The following TBXAS1 variants were observed in gnomAD, a reference collection of about 807,000 sequenced individuals.
TBXAS1 encodes thromboxane-A synthase.
TBXAS1 carries 48 observed loss-of-function variants against 60.7 expected under a neutral mutation model. That is an observed-to-expected ratio of 0.79 (90% CI 0.63 to 1.01). The LOEUF (loss-of-function observed/expected upper bound fraction) is 1.01, where lower values mean the gene tolerates loss of function less well. TBXAS1 is among the 50% of genes least tolerant of loss of function. TBXAS1 has a pLI of 0.00. For synonymous variants in TBXAS1, 287 were observed against 269.7 expected (o/e 1.06, Z -0.63); for missense variants, 685 against 686.3 (o/e 1.00, Z 0.02).
intron 3 of TBXAS1, among the ~76,000 whole-genome samples, chr7:139,881,557 A>G (rs183092027): frequency 2.0e-5 from 3 of 151,672 alleles, no homozygotes; most frequent in Non-Finnish European, 4.4e-5. Context: ...TGTATTTCTG[A>G]TTTCTCTATT....
In TBXAS1 at chr7:139,844,326, C is replaced by T. The variant is rs73158654; in HGVS notation, c.89+14847C>T. ...TTGAAGCAATGGTATCTCAACTCTTCCCTACCATCCACTGTTGATGTGATT... is the reference window on the plus strand; with the variant it reads ...TTGAAGCAATGGTATCTCAACTCTTTCCTACCATCCACTGTTGATGTGATT... On this transcript the variant is annotated intron_variant, in intron 1 of 12. Coordinates refer to ENST00000448866, the MANE Select transcript of TBXAS1 (RefSeq NM_001061.7). 5.5e-4 allele frequency among the ~76,000 whole-genome samples: 84 copies of T among 152,290 alleles called. 1 individual carries two copies. Among genetic ancestry groups the T allele is most frequent in the Admixed American group, 1.3e-3 (20 of 15,292 alleles).
At chr7:139,946,002 A>G (rs1808681387) in intron 5 of TBXAS1, among the ~76,000 whole-genome samples, 1 of 152,206 alleles carries the variant, frequency 6.6e-6, no homozygotes, top group African/African-American at 2.4e-5. Flanking sequence ...GGGATCTACA[A>G]ATGTTTCAGC....
At chr7:139,799,235 A>ATT (rs35555385) in intron 4 of TBXAS1, among the ~76,000 whole-genome samples, 3,292 of 144,108 alleles carry the variant, frequency 0.023, 100 homozygotes, top group African/African-American at 0.067. Flanking sequence ...AGCCCAGCTA[A>ATT]TTTTTTTTTT....
chr7:139,877,304 G>C (rs1316421858), intron 3 of TBXAS1, among the ~76,000 whole-genome samples: 1 of 152,176 alleles, frequency 6.6e-6, no homozygotes, highest in Non-Finnish European at 1.5e-5. Flanking sequence ...GCTTTTTGGT[G>C]CATAGCTTCT....
rs149005364 is a variant in TBXAS1 at position 139,916,731 on chromosome 7, C to G, written c.333+5410C>G. 6.6e-6 allele frequency among the ~76,000 whole-genome samples: 1 copy of G among 152,180 alleles called. No individual in the cohort carries two copies. Among genetic ancestry groups the G allele is most frequent in the Non-Finnish European group, 1.5e-5 (1 of 68,028 alleles). On this transcript the variant is annotated intron_variant, in intron 4 of 12. Coordinates refer to ENST00000448866, the MANE Select transcript of TBXAS1 (RefSeq NM_001061.7). This position sits in a 1 kb window ranked among gnomAD's most constrained non-coding sequence, Gnocchi z 4.2. The stretch of plus-strand genomic sequence containing the variant: ...CTCTGTATCTGCAGCAGCCTCCTAT[C>G]GAAGGAAGAAAAGAGTATGTTGGCT...
At chr7:139,889,347 A>G (rs888035571) in intron 3 of TBXAS1, among the ~76,000 whole-genome samples, 1 of 152,098 alleles carries the variant, frequency 6.6e-6, no homozygotes, top group Non-Finnish European at 1.5e-5. Flanking sequence ...AAAATGTCCT[A>G]AAAATGCAGC....
intron 4 of TBXAS1, among the ~76,000 whole-genome samples, chr7:139,814,820 G>A (rs889932779): frequency 2.2e-4 from 33 of 152,224 alleles, no homozygotes; most frequent in African/African-American, 7.7e-4. Flanking sequence ...GTAGTTCTTG[G>A]CACTGACCTG....
chr7:139,872,939 A>G (rs1290408284), intron 2 of TBXAS1, among the ~76,000 whole-genome samples: 1 of 152,148 alleles, frequency 6.6e-6, no homozygotes, highest in East Asian at 1.9e-4. Context: ...AGTGTAGAAG[A>G]AGAGGTTACT....
intron 1 of TBXAS1, among the ~76,000 whole-genome samples, chr7:139,864,934 TG>T (rs1281390679): frequency 1.3e-5 from 2 of 152,164 alleles, no homozygotes; most frequent in Non-Finnish European, 2.9e-5. Flanking sequence ...CTCAAGTACC[TG>T]GAAAGGAGGT....
chr7:139,812,497 C>T (rs2116404305), intron 4 of TBXAS1, among the ~76,000 whole-genome samples: 1 of 152,254 alleles, frequency 6.6e-6, no homozygotes, highest in East Asian at 1.9e-4. Context: ...TTTGCTTTTC[C>T]TGTACATGTA....
rs577300051 is a variant in TBXAS1 at position 139,899,023 on chromosome 7, T to C, written c.237-12202T>C. 4.6e-5 allele frequency among the ~76,000 whole-genome samples: 7 copies of C among 151,506 alleles called. No homozygotes were observed. The East Asian group carries it at 5.8e-4, about 13-fold the overall frequency. On this transcript the variant is annotated intron_variant, in intron 3 of 12. Coordinates refer to ENST00000448866, the MANE Select transcript of TBXAS1 (RefSeq NM_001061.7). ...AAATTCTCCCTCTCCTTTTTTTTTT[T>C]CATTGCAGAAGTCACATGCGCTCAT...
chr7:139,978,695 T>G (rs1811739884), intron 9 of TBXAS1, among the ~76,000 whole-genome samples: 1 of 147,088 alleles, frequency 6.8e-6, no homozygotes, highest in Non-Finnish European at 1.5e-5. Context: ...CCCAGCACTT[T>G]GGGAGGCCAA....
chr7:139,989,970 T>C (rs761712824), intron 9 of TBXAS1, among the ~76,000 whole-genome samples: 1 of 152,272 alleles, frequency 6.6e-6, no homozygotes. Flanking sequence ...CCCTTAACAC[T>C]GTGAGCTCCT....
intron 3 of TBXAS1, among the ~76,000 whole-genome samples, chr7:139,897,859 G>A (rs193050126): frequency 6.6e-6 from 1 of 152,312 alleles, no homozygotes; most frequent in African/African-American, 2.4e-5. Context: ...CATGGCCTAT[G>A]ACTGTGTCAC....
intron 4 of TBXAS1, among the ~76,000 whole-genome samples, chr7:139,919,701 G>A (rs1806299474): frequency 6.6e-6 from 1 of 152,220 alleles, no homozygotes; most frequent in Non-Finnish European, 1.5e-5. Flanking sequence ...TACCAGGCCA[G>A]TCGAGAATCA....
intron 10 of TBXAS1, 110 bp downstream of exon 10, chr7:140,007,292 G>C (rs1585046659): frequency 1.0e-6 from 1 of 981,286 alleles, no homozygotes; most frequent in South Asian, 1.3e-5. Flanking sequence ...TGTTTCTGGA[G>C]GGCAACGCCT....
At chr7:139,868,922 G>T (rs1052427751) in intron 1 of TBXAS1, among the ~76,000 whole-genome samples, 2 of 151,776 alleles carry the variant, frequency 1.3e-5, no homozygotes, top group African/African-American at 4.8e-5. Context: ...CGAAGTGCTG[G>T]GATTACAGGC....
intron 4 of TBXAS1, among the ~76,000 whole-genome samples, chr7:139,932,184 AAAG>A (rs1807388885): frequency 6.6e-6 from 1 of 151,938 alleles, no homozygotes; most frequent in African/African-American, 2.4e-5. Context: ...AAAAAAAAAA[AAAG>A]GTTAAGATGG....
At chr7:140,016,503 T>C in intron 11 of TBXAS1, 1 of 242,904 alleles carries the variant, frequency 4.1e-6, no homozygotes, top group Non-Finnish European at 8.2e-6. Context: ...GATACAGGAT[T>C]GTATTTCAGG....
Sources: gnomAD v4.1 joint callset for allele counts (sites outside exome capture counted in the v4.1 genomes callset) on GRCh38, gnomAD v4.1.1 for gene constraint, Gnocchi (gnomAD v3.1) non-coding constraint, MANE v1.5 for transcripts, NCBI Gene and HGNC (gene_info 2026-07-23, HGNC 2026-07-21) for gene names.